Variants in RIMKLB observed in about 807,000 individuals in gnomAD.
RIMKLB encodes beta-citrylglutamate synthase B.
RIMKLB carries 7 observed loss-of-function variants against 32.0 expected under a neutral mutation model. The observed-to-expected ratio is 0.22, with a 90% CI of 0.12 to 0.41. RIMKLB has a LOEUF of 0.41. Ranked by LOEUF, RIMKLB falls within the 10% of genes least tolerant of loss-of-function variation. RIMKLB has a pLI of 1.00. For missense variants in RIMKLB, 289 were observed against 498.7 expected, an observed-to-expected ratio of 0.58 and a Z score of 4.00; for synonymous variants, 172 against 185.1, an observed-to-expected ratio of 0.93 and a Z score of 0.57.
intron 2 of RIMKLB, among the ~76,000 whole-genome samples, chr12:8,741,732 A>G (rs983112529): frequency 4.0e-5 from 6 of 151,584 alleles, no homozygotes; most frequent in Non-Finnish European, 7.4e-5. Flanking sequence ...GTGAGCCGAG[A>G]TGGCGCCACT....
chr12:8,678,424 G>A (rs926541097), upstream of RIMKLB, among the ~76,000 whole-genome samples: 19 of 151,720 alleles, frequency 1.3e-4, no homozygotes, highest in South Asian at 1.5e-3. Context: ...TCCGCCTCCC[G>A]GGTTCAAGCG....
intron 1 of RIMKLB, among the ~76,000 whole-genome samples, chr12:8,707,535 T>A (rs984470508): frequency 6.6e-6 from 1 of 152,172 alleles, no homozygotes; most frequent in Non-Finnish European, 1.5e-5. Context: ...TTTTGGAGAC[T>A]TCGTTACACA....
intron 1 of RIMKLB, among the ~76,000 whole-genome samples, chr12:8,699,394 TTTC>T (rs1943186362): frequency 6.6e-6 from 1 of 152,178 alleles, no homozygotes; most frequent in Non-Finnish European, 1.5e-5. Context: ...TTAAAGGTCA[TTTC>T]TTCTATTTTA....
chr12:8,704,801 TAGTG>T (rs1350919978), intron 1 of RIMKLB, among the ~76,000 whole-genome samples: 3 of 151,942 alleles, frequency 2.0e-5, no homozygotes, highest in South Asian at 2.1e-4. Context: ...CTGGGCAACA[TAGTG>T]AGAACCTGCC....
chr12:8,748,557 T>TGC (rs1555168481), intron 2 of RIMKLB, among the ~76,000 whole-genome samples: 7 of 102,120 alleles, frequency 6.9e-5, no homozygotes, highest in Non-Finnish European at 1.6e-4. Flanking sequence ...TGTGTGTGTG[T>TGC]GCATATATAT....
chr12:8,755,458 G>A (rs1053113135), intron 5 of RIMKLB, among the ~76,000 whole-genome samples: 10 of 152,012 alleles, frequency 6.6e-5, no homozygotes, highest in African/African-American at 2.4e-4. Context: ...ATCCTTAGAG[G>A]CATCCTGGTC....
At chr12:8,770,956 C>G (rs1210614372) in intron 5 of RIMKLB, among the ~76,000 whole-genome samples, 1 of 152,184 alleles carries the variant, frequency 6.6e-6, no homozygotes, top group Non-Finnish European at 1.5e-5. Flanking sequence ...ATTGTGTTAT[C>G]TGTATATTAT....
chr12:8,683,786 C>T (rs1434522704), intron 1 of RIMKLB, among the ~76,000 whole-genome samples: 3 of 152,074 alleles, frequency 2.0e-5, no homozygotes, highest in Non-Finnish European at 2.9e-5. Context: ...TCGCTCCTGC[C>T]GCCCAGGCTA....
rs757879524 is a variant in RIMKLB at position 8,708,757 on chromosome 12, G to A, written c.-56-5054G>A. On this transcript the variant is annotated intron_variant, in intron 1 of 5. Coordinates refer to ENST00000535829, the MANE Select transcript of RIMKLB (RefSeq NM_001297776.2). ...TGTCTGCTTATTTCCTATTTCAGAA[G>A]ATGAATGAAGCACTTTAAGATTCCC... is the stretch of plus-strand genomic sequence containing the variant. Among the ~76,000 whole-genome samples the A allele has an allele frequency of 1.4e-4, 21 of 152,304 alleles. No homozygotes were observed. In the East Asian group the frequency reaches 2.9e-3, roughly 21 times the overall value.
In RIMKLB at chr12:8,774,812, CTGAAG is replaced by C; in HGVS notation, c.*1032_*1036del. The C allele has an allele frequency of 2.0e-6, 2 of 985,472 alleles. No individual in the cohort carries two copies. Among genetic ancestry groups the C allele is most frequent in the South Asian group, 9.4e-5 (2 of 21,286 alleles). 61.0% of individuals were successfully genotyped at this position (985,472 alleles called of 1,614,324 possible). A position where few individuals can be genotyped will look rare whatever the true frequency, so the allele number is the denominator to read the frequency against. ...GAGCCTATGAGTTCTAAGTATAAAG[CTGAAG>C]TGATTTCGAATGCCAGCGTTATATA... On this transcript the variant is annotated 3_prime_UTR_variant, in exon 6 of 6. Transcript: ENST00000535829.
At chr12:8,682,581 G>T (rs1942439786) in intron 1 of RIMKLB, among the ~76,000 whole-genome samples, 1 of 151,814 alleles carries the variant, frequency 6.6e-6, no homozygotes, top group South Asian at 2.1e-4. Context: ...GACCATCCTG[G>T]CTAACACGGT....
intron 2 of RIMKLB, among the ~76,000 whole-genome samples, chr12:8,734,939 T>A (rs1204295433): frequency 6.6e-6 from 1 of 152,206 alleles, no homozygotes; most frequent in African/African-American, 2.4e-5. Flanking sequence ...TTTATGAGAC[T>A]TGATGTCAGC....
At chr12:8,749,000 A>G (rs1409373580) in intron 2 of RIMKLB, among the ~76,000 whole-genome samples, 1 of 152,074 alleles carries the variant, frequency 6.6e-6, no homozygotes, top group African/African-American at 2.4e-5. Flanking sequence ...CCTAAATAGA[A>G]TGGTATTGGA....
At chr12:8,703,299 A>G (rs1411952529) in intron 1 of RIMKLB, among the ~76,000 whole-genome samples, 2 of 151,864 alleles carry the variant, frequency 1.3e-5, no homozygotes, top group Non-Finnish European at 2.9e-5. Flanking sequence ...AAAGAAAAAG[A>G]AAAGAAAAAG....
At chr12:8,698,722 C>G (rs1006031615) in intron 1 of RIMKLB, among the ~76,000 whole-genome samples, 2 of 151,938 alleles carry the variant, frequency 1.3e-5, no homozygotes, top group African/African-American at 2.4e-5. Context: ...CCCCTTCCCA[C>G]AAATTCTATG....
At chr12:8,677,254 AC>A (rs1221871004), upstream of RIMKLB, among the ~76,000 whole-genome samples, 1 of 152,076 alleles carries the variant, frequency 6.6e-6, no homozygotes, top group African/African-American at 2.4e-5. Flanking sequence ...CGCACAGTGC[AC>A]CCCCACCCTC....
chr12:8,694,507 C>T (rs1398032605), upstream of RIMKLB, among the ~76,000 whole-genome samples: 2 of 149,480 alleles, frequency 1.3e-5, no homozygotes, highest in African/African-American at 4.9e-5. Flanking sequence ...AATTCTCCTG[C>T]TTCAGCCTCC....
intron 2 of RIMKLB, among the ~76,000 whole-genome samples, chr12:8,733,928 T>G (rs1047044492): frequency 6.6e-6 from 1 of 152,156 alleles, no homozygotes; most frequent in Non-Finnish European, 1.5e-5. Context: ...TTAGGTAGAT[T>G]GTATGACTAC....
chr12:8,699,880 A>T (rs1345046059), intron 1 of RIMKLB: 1 of 152,088 alleles, frequency 6.6e-6, no homozygotes, highest in Non-Finnish European at 1.5e-5. Flanking sequence ...ACAATCCTCC[A>T]CTCGGTCAAG....
Sources: gnomAD v4.1 joint callset for allele counts (sites outside exome capture counted in the v4.1 genomes callset) on GRCh38, gnomAD v4.1.1 for gene constraint, MANE v1.5 for transcripts, NCBI Gene and HGNC (gene_info 2026-07-23, HGNC 2026-07-21) for gene names.